The following CYP2C8 variants were observed in gnomAD, a reference collection of about 807,000 sequenced individuals.
CYP2C8 encodes the protein cytochrome P450 family 2 subfamily C member 8.
CYP2C8 carries 51 observed loss-of-function variants against 41.3 expected under a neutral mutation model. The observed-to-expected ratio is 1.24, with a 90% CI of 0.99 to 1.56. CYP2C8 has a LOEUF of 1.56. CYP2C8 is among the 40% of genes most tolerant of loss of function. CYP2C8 has a pLI of 0.00. For missense variants in CYP2C8, 651 were observed against 579.9 expected, an observed-to-expected ratio of 1.12 and a Z score of -1.26; for synonymous variants, 218 against 205.8, an observed-to-expected ratio of 1.06 and a Z score of -0.51.
In CYP2C8 at chr10:95,038,782, G is replaced by C. The variant is rs1225948901; in HGVS notation, c.1291+115C>G. On this transcript the variant is annotated intron_variant, in intron 8 of 8. Transcript: ENST00000371270. ...CATGGGTGTTAAGAGTGGTGCTCTT[G>C]ATCATGGACAAATAGCAATTCTACC... is the stretch of plus-strand genomic sequence containing the variant. The C allele has an allele frequency of 1.3e-5, 13 of 972,366 alleles. No homozygotes were observed. The South Asian group carries it at 1.6e-4, about 12-fold the overall frequency. 60.2% of individuals were successfully genotyped at this position (972,366 alleles called of 1,614,324 possible).
At chr10:95,037,740 G>A (rs1388538931) in intron 8 of CYP2C8, among the ~76,000 whole-genome samples, 1 of 152,070 alleles carries the variant, frequency 6.6e-6, no homozygotes, top group Non-Finnish European at 1.5e-5. Context: ...CACATAATCT[G>A]TTCTCAGCTC....
At chr10:95,062,360 C>G (rs2033455170) in intron 4 of CYP2C8, among the ~76,000 whole-genome samples, 1 of 152,142 alleles carries the variant, frequency 6.6e-6, no homozygotes, top group Non-Finnish European at 1.5e-5. Flanking sequence ...ATAGTTAGCT[C>G]TTCTTATTGA....
Position 95,064,861 on chromosome 10 carries a change from A to T in CYP2C8, c.581T>A (p.Phe194Tyr), listed in dbSNP as rs201899315. 259 of 1,613,954 alleles carry T rather than the reference A, an allele frequency of 1.6e-4. 1 individual carries two copies. Among genetic ancestry groups the T allele is most frequent in the Non-Finnish European group, 2.1e-4 (244 of 1,180,006 alleles). Residue 194 changes from phenylalanine to tyrosine, a missense_variant, in exon 4 of 9, where the codon TTT (phenylalanine) becomes TAT (tyrosine). By Grantham distance (22) the Phe-to-Tyr change is conservative. Transcript: ENST00000371270. ...QKRFDYKDQN[F>Y]LTLMKRFNEN... ...ATTGAATCTTTTCATCAGGGTGAGAAAATTCTGATCTTTATAATCAAATCG... is the reference window on the plus strand; with the variant it reads ...ATTGAATCTTTTCATCAGGGTGAGATAATTCTGATCTTTATAATCAAATCG...
chr10:95,058,093 A>G (rs1167313275), intron 5 of CYP2C8, among the ~76,000 whole-genome samples: 1 of 152,146 alleles, frequency 6.6e-6, no homozygotes, highest in Non-Finnish European at 1.5e-5. Context: ...TGCAGTGTCT[A>G]TATTATTCTA....
intron 5 of CYP2C8, among the ~76,000 whole-genome samples, chr10:95,057,471 T>C (rs1243984274): frequency 6.6e-6 from 1 of 152,180 alleles, no homozygotes; most frequent in Non-Finnish European, 1.5e-5. Context: ...CTTAAATTTT[T>C]GTTGCGACTG....
intron 3 of CYP2C8, among the ~76,000 whole-genome samples, chr10:95,066,145 AGAGAGAGAGTGT>A (rs1302901661): frequency 9.6e-5 from 11 of 114,604 alleles, no homozygotes; most frequent in African/African-American, 3.3e-4. Context: ...AGAGAGAGAG[AGAGAGAGAGTGT>A]GTGTGTGTGT....
At chr10:95,067,795 T>C in intron 1 of CYP2C8, 104 bp from the exon 2 acceptor site, 1 of 1,185,576 alleles carries the variant, frequency 8.4e-7, no homozygotes, top group South Asian at 1.3e-5. Context: ...ATGTTCATAT[T>C]TGCCACACAT....
At chr10:95,038,240 A>C (rs538723180) in intron 8 of CYP2C8, among the ~76,000 whole-genome samples, 1 of 152,332 alleles carries the variant, frequency 6.6e-6, no homozygotes, top group East Asian at 1.9e-4. Flanking sequence ...TAGCTTATGT[A>C]ACCTCTTAGC....
intron 5 of CYP2C8, among the ~76,000 whole-genome samples, chr10:95,048,469 A>T (rs2033151594): frequency 6.6e-6 from 1 of 152,202 alleles, no homozygotes; most frequent in Non-Finnish European, 1.5e-5. Context: ...TAGACTTTGT[A>T]AGATTTACTT....
At chr10:95,040,623 G>T (rs901260131) in intron 7 of CYP2C8, among the ~76,000 whole-genome samples, 2 of 152,224 alleles carry the variant, frequency 1.3e-5, no homozygotes, top group Admixed American at 1.3e-4. Context: ...CCCCAGTGAC[G>T]GAAGAACTTC....
At chr10:95,041,047 TC>T in intron 7 of CYP2C8, 1 of 452,492 alleles carries the variant, frequency 2.2e-6, no homozygotes, top group Non-Finnish European at 4.4e-6. Context: ...ACAGAACAAA[TC>T]CAGCTGTTTG....
At chr10:95,051,429 A>G (rs2033213457) in intron 5 of CYP2C8, among the ~76,000 whole-genome samples, 1 of 152,136 alleles carries the variant, frequency 6.6e-6, no homozygotes, top group Non-Finnish European at 1.5e-5. Context: ...AAGAGAAGGG[A>G]GTAGAAAATT....
Position 95,060,358 on chromosome 10 carries a change from C to T in CYP2C8, c.643-1847G>A, listed in dbSNP as rs942625984. ...TAGTTCTCCTTGAAGAGGTCCTTCA[C>T]GTCCCTTGTAAGTTGGATTCCTAGG... On this transcript the variant is annotated intron_variant, in intron 4 of 8. Transcript: ENST00000371270. 9.9e-5 allele frequency among the ~76,000 whole-genome samples: 15 copies of T among 152,250 alleles called. 1 individual carries two copies. The highest frequency in any genetic ancestry group is 6.5e-4 in the Admixed American group (10 of 15,294).
intron 7 of CYP2C8, chr10:95,041,088 G>A: frequency 2.4e-6 from 1 of 412,738 alleles, no homozygotes; most frequent in South Asian, 1.8e-5. Context: ...AGTGAGGGAT[G>A]TGAGGCCAGT....
chr10:95,038,862 T>C (rs762322280), intron 8 of CYP2C8, 35 bp downstream of exon 8: 7 of 1,610,866 alleles, frequency 4.3e-6, no homozygotes, highest in Non-Finnish European at 5.9e-6. Context: ...GTTCTCTCTT[T>C]CCTTTAAATA....
intron 7 of CYP2C8, chr10:95,039,280 GATC>G (rs2032950512): frequency 4.1e-6 from 2 of 490,544 alleles, no homozygotes; most frequent in Non-Finnish European, 3.7e-6. Flanking sequence ...GTGTTCTCCA[GATC>G]ATCAAGTTTG....
In CYP2C8 at chr10:95,037,329, G is replaced by A. The variant is rs2134403860; in HGVS notation, c.1292-20C>T. 6.2e-7 allele frequency: 1 copy of A among 1,610,378 alleles called. No homozygotes were observed. The highest frequency in any genetic ancestry group is 8.5e-7 in the Non-Finnish European group (1 of 1,177,990). ...GTTTTCCTGAAGATAACAAAGAAAG[G>A]AAGTAGTTACTCCTTGTGTTTAACT... On this transcript the variant is annotated intron_variant, in intron 8 of 8. Transcript: ENST00000371270.
chr10:95,040,283 T>C (rs531039611), intron 7 of CYP2C8, among the ~76,000 whole-genome samples: 56 of 152,212 alleles, frequency 3.7e-4, no homozygotes, highest in Middle Eastern at 6.8e-3. Context: ...CCTCTTCTGG[T>C]TGTGTGCTTT....
intron 5 of CYP2C8, among the ~76,000 whole-genome samples, chr10:95,051,096 TA>T: frequency 6.6e-6 from 1 of 152,118 alleles, no homozygotes; most frequent in Middle Eastern, 3.4e-3. Context: ...ATATTCAAAA[TA>T]ACACAGAGAA....
Sources: gnomAD v4.1 joint callset for allele counts (sites outside exome capture counted in the v4.1 genomes callset) on GRCh38, gnomAD v4.1.1 for gene constraint, MANE v1.5 for transcripts, NCBI Gene and HGNC (gene_info 2026-07-23, HGNC 2026-07-21) for gene names.